GABRG3: variants seen among roughly 807,000 people sequenced by gnomAD.
The protein encoded by GABRG3 is gamma-aminobutyric acid type A receptor subunit gamma3, also known as gamma-aminobutyric acid receptor subunit gamma-3.
Under a neutral mutation model 48.8 loss-of-function variants are expected in GABRG3, and 25 were observed. The ratio of observed to expected loss-of-function variants is 0.51; its 90% confidence interval spans 0.37 to 0.72. The LOEUF (loss-of-function observed/expected upper bound fraction) is 0.72, where lower values mean the gene tolerates loss of function less well. GABRG3 is among the 30% of genes least tolerant of loss of function. The pLI is 0.00. For synonymous variants in GABRG3, 227 were observed against 217.6 expected (o/e 1.04, Z -0.38); for missense variants, 394 against 577.9 (o/e 0.68, Z 3.26).
At chr15:27,088,890 T>C (rs1566932094) in intron 3 of GABRG3, among the ~76,000 whole-genome samples, 5 of 150,558 alleles carry the variant, frequency 3.3e-5, no homozygotes, top group Admixed American at 6.6e-5. Context: ...GGGTGAGCCA[T>C]GGGGGAGATG....
chr15:27,493,048 A>G (rs904631869), intron 6 of GABRG3, among the ~76,000 whole-genome samples: 2 of 152,240 alleles, frequency 1.3e-5, no homozygotes, highest in South Asian at 2.1e-4. Context: ...CTTTTCTCTC[A>G]TATCTCCATA....
At chr15:27,350,074 T>C (rs1398127161) in intron 5 of GABRG3, 1 of 455,856 alleles carries the variant, frequency 2.2e-6, no homozygotes, top group African/African-American at 2.0e-5. Context: ...AAATCTCTAA[T>C]TTAGATAAAT....
chr15:27,100,943 T>C (rs181036419), intron 3 of GABRG3, among the ~76,000 whole-genome samples: 11 of 152,318 alleles, frequency 7.2e-5, no homozygotes, highest in Admixed American at 6.5e-4. Flanking sequence ...TCATTTTCAA[T>C]GTCGCACTGG....
intron 6 of GABRG3, among the ~76,000 whole-genome samples, chr15:27,506,498 C>G (rs552977112): frequency 6.6e-6 from 1 of 152,282 alleles, no homozygotes; most frequent in African/African-American, 2.4e-5. Flanking sequence ...AAACAAGGGA[C>G]TCAATCTTGT....
At chr15:27,418,367 C>G (rs151050319) in intron 5 of GABRG3, among the ~76,000 whole-genome samples, 46 of 152,332 alleles carry the variant, frequency 3.0e-4, no homozygotes, top group Non-Finnish European at 5.9e-4. Flanking sequence ...GGTGCGTGGC[C>G]TCAGGAAGCA....
chr15:27,424,555 T>C lies in GABRG3; in HGVS notation c.575-56095T>C, dbSNP rs557984097. The stretch of plus-strand genomic sequence containing the variant: ...TAATCACCTCCTAAGGTTTCACCTT[T>C]TTTTTTTTTTTTTTTGAGACAGAGT... On this transcript the variant is annotated intron_variant, in intron 5 of 9. Coordinates refer to ENST00000615808, the MANE Select transcript of GABRG3 (RefSeq NM_033223.5). Among the ~76,000 whole-genome samples, 17 of 149,594 alleles carry C rather than the reference T, an allele frequency of 1.1e-4. No individual in the cohort carries two copies. In the East Asian group the frequency reaches 3.3e-3, roughly 29 times the overall value.
At chr15:27,306,367 A>G (rs1417405408) in intron 3 of GABRG3, among the ~76,000 whole-genome samples, 2 of 140,490 alleles carry the variant, frequency 1.4e-5, no homozygotes, top group Non-Finnish European at 3.0e-5. Flanking sequence ...ATAAACATAT[A>G]TATAATATAA....
At chr15:27,095,679 C>G (rs1257805693) in intron 3 of GABRG3, among the ~76,000 whole-genome samples, 1 of 152,136 alleles carries the variant, frequency 6.6e-6, no homozygotes, top group East Asian at 1.9e-4. Flanking sequence ...CCTATTCTTT[C>G]ACTAAACTTA....
intron 2 of GABRG3, among the ~76,000 whole-genome samples, chr15:27,020,660 G>A (rs536753289): frequency 4.2e-4 from 64 of 151,810 alleles, no homozygotes; most frequent in Admixed American, 2.8e-3. Context: ...CTCGTGATCC[G>A]CCCCCCTCTG....
At chr15:27,067,137 T>G (rs1196029389) in intron 3 of GABRG3, among the ~76,000 whole-genome samples, 1 of 151,958 alleles carries the variant, frequency 6.6e-6, no homozygotes, top group African/African-American at 2.4e-5. Context: ...GAGGGAGCAT[T>G]TTGTCGTGTA....
chr15:27,356,927 G>A (rs192287829), intron 5 of GABRG3, among the ~76,000 whole-genome samples: 21 of 152,218 alleles, frequency 1.4e-4, no homozygotes, highest in Admixed American at 1.3e-3. Flanking sequence ...ATTTCACCAC[G>A]TTAATTCTAG....
intron 6 of GABRG3, among the ~76,000 whole-genome samples, chr15:27,486,638 C>G (rs4533233): frequency 0.66 from 100,515 of 152,042 alleles, 33,915 homozygotes; most frequent in African/African-American, 0.79. Flanking sequence ...CCACTTACCT[C>G]CTATGTGACC....
chr15:27,393,200 C>T (rs1487424256), intron 5 of GABRG3, among the ~76,000 whole-genome samples: 2 of 151,920 alleles, frequency 1.3e-5, no homozygotes, highest in Admixed American at 6.6e-5. Flanking sequence ...AAAAATTAGC[C>T]AGGCGTGGTG....
intron 5 of GABRG3, among the ~76,000 whole-genome samples, chr15:27,420,354 C>G (rs1284718692): frequency 6.6e-6 from 1 of 152,130 alleles, no homozygotes; most frequent in African/African-American, 2.4e-5. Context: ...ACTGTATGAT[C>G]TCATTTATAA....
At chr15:27,164,929 G>C (rs1887324676) in intron 3 of GABRG3, among the ~76,000 whole-genome samples, 1 of 152,186 alleles carries the variant, frequency 6.6e-6, no homozygotes, top group Admixed American at 6.5e-5. Context: ...CGTATCAAGC[G>C]ATGTTGCTTC....
chr15:27,221,153 T>C (rs1401638777), intron 3 of GABRG3, among the ~76,000 whole-genome samples: 2 of 152,198 alleles, frequency 1.3e-5, no homozygotes, highest in Non-Finnish European at 2.9e-5. Context: ...ATTAAAATCT[T>C]ATGAGACGTT....
At chr15:27,394,821 A>G (rs1329242045) in intron 5 of GABRG3, among the ~76,000 whole-genome samples, 1 of 152,036 alleles carries the variant, frequency 6.6e-6, no homozygotes, top group East Asian at 1.9e-4. Flanking sequence ...TCAGCTTTTG[A>G]TCTTGTCGTT....
Position 26,971,499 on chromosome 15 carries a change from G to C in GABRG3, c.-37G>C, listed in dbSNP as rs1039927244. The C allele has an allele frequency of 2.0e-6, 3 of 1,470,984 alleles. No homozygotes were observed. In the Admixed American group the frequency reaches 7.0e-5, roughly 34 times the overall value. 91.1% of individuals were successfully genotyped at this position (1,470,984 alleles called of 1,614,324 possible). On this transcript the variant is annotated 5_prime_UTR_variant, in exon 1 of 10. Coordinates refer to ENST00000615808, the MANE Select transcript of GABRG3 (RefSeq NM_033223.5). ...GCGCCGGAGGAAGCCGCGCCCGGCC[G>C]AGGCCCCGGACCCTGCGCCCCGAGC...
intron 3 of GABRG3, among the ~76,000 whole-genome samples, chr15:27,047,245 A>T (rs1566919557): frequency 6.6e-6 from 1 of 152,144 alleles, no homozygotes. Flanking sequence ...TGCTGACATT[A>T]TTGGAGAATT....
Sources: allele counts gnomAD v4.1 joint callset (sites outside exome capture counted in the v4.1 genomes callset), GRCh38; gene constraint gnomAD v4.1.1; transcripts MANE v1.5; gene names NCBI Gene and HGNC (gene_info 2026-07-23, HGNC 2026-07-21).